The following KCNU1 variants were observed in gnomAD, a reference collection of about 807,000 sequenced individuals.
The protein encoded by KCNU1 is potassium calcium-activated channel subfamily U member 1.
KCNU1 carries 93 observed loss-of-function variants against 126.8 expected under a neutral mutation model. The observed-to-expected ratio is 0.73, with a 90% CI of 0.62 to 0.87. KCNU1 has a LOEUF of 0.87. Ranked by LOEUF, KCNU1 falls within the 40% of genes least tolerant of loss-of-function variation. The probability of loss-of-function intolerance (pLI) is 0.00; values close to 1 mark genes in which losing one functional copy is unlikely to be tolerated. For synonymous variants in KCNU1, 523 were observed against 494.2 expected (o/e 1.06, Z -0.77); for missense variants, 1,330 against 1,367.1 (o/e 0.97, Z 0.43).
intron 23 of KCNU1, among the ~76,000 whole-genome samples, chr8:36,921,526 A>G (rs1312871117): frequency 6.6e-6 from 1 of 152,036 alleles, no homozygotes; most frequent in East Asian, 1.9e-4. Context: ...TAAAAATACA[A>G]AAATTAGCCG....
chr8:36,861,876 G>A (rs1288964416), intron 18 of KCNU1, among the ~76,000 whole-genome samples: 1 of 152,172 alleles, frequency 6.6e-6, no homozygotes, highest in Non-Finnish European at 1.5e-5. Flanking sequence ...TTTGCTTGTT[G>A]CTTTCAAGGG....
chr8:36,884,919 A>G (rs1173228616), intron 19 of KCNU1, among the ~76,000 whole-genome samples: 1 of 152,208 alleles, frequency 6.6e-6, no homozygotes, highest in Non-Finnish European at 1.5e-5. Flanking sequence ...TGTCCTTACA[A>G]TAACAAAAAA....
chr8:36,909,433 T>C lies in KCNU1; in HGVS notation c.2229T>C (p.Tyr743=), dbSNP rs1807775291. Reference sequence around the variant, plus strand: ...TAATGCCCTTGAGAGCCAGCAACTATACCAGGAAGGAGCTGAAGGACATAG... The same window carrying C: ...TAATGCCCTTGAGAGCCAGCAACTACACCAGGAAGGAGCTGAAGGACATAG... ...NFVMPLRASN[Y]TRKELKDIVF... is the part of the protein sequence containing the mutation. Residue 743 remains tyrosine (Y), a synonymous_variant, in exon 21 of 27, where the codon TAT becomes TAC. Transcript: ENST00000399881. 3 of 1,613,008 alleles carry C rather than the reference T, an allele frequency of 1.9e-6. No individual in the cohort carries two copies. The highest frequency in any genetic ancestry group is 2.7e-5 in the African/African-American group (2 of 74,902).
Position 36,932,952 on chromosome 8 carries a change from C to A in KCNU1, c.2964C>A (p.Gly988=). The change falls in exon 26 of 27, where the codon GGC becomes GGA. Residue 988 remains glycine, a synonymous_variant. Coordinates refer to ENST00000399881, the MANE Select transcript of KCNU1 (RefSeq NM_001031836.3). ...PRNTFGQLFC[G]SLDLFGILCV... ...ACACCTTTGGACAACTGTTCTGTGG[C>A]TCATTAGATCTTTTTGGAATCCTGT... 4 of 1,575,472 alleles carry A rather than the reference C, an allele frequency of 2.5e-6. No individual in the cohort carries two copies. The highest frequency in any genetic ancestry group is 3.5e-6 in the Non-Finnish European group (4 of 1,158,592).
intron 19 of KCNU1, among the ~76,000 whole-genome samples, chr8:36,885,637 A>C (rs977387401): frequency 6.6e-6 from 1 of 152,076 alleles, no homozygotes; most frequent in African/African-American, 2.4e-5. Flanking sequence ...TACTAAAAAT[A>C]CAAAAATTAA....
chr8:36,926,020 A>G (rs1285735643), intron 24 of KCNU1, among the ~76,000 whole-genome samples: 2 of 152,104 alleles, frequency 1.3e-5, no homozygotes, highest in African/African-American at 4.8e-5. Context: ...TCTCTAGGCA[A>G]TTTATTTAGA....
intron 26 of KCNU1, among the ~76,000 whole-genome samples, chr8:36,935,210 A>G (rs1481800377): frequency 2.6e-5 from 4 of 152,082 alleles, no homozygotes; most frequent in Admixed American, 2.6e-4. Context: ...CCACTGGAAC[A>G]AAAGATGAGC....
At chr8:36,790,845 A>G (rs1435158786) in intron 2 of KCNU1, among the ~76,000 whole-genome samples, 1 of 152,098 alleles carries the variant, frequency 6.6e-6, no homozygotes, top group Admixed American at 6.6e-5. Context: ...TTTCCAATGA[A>G]GACACAGTAC....
intron 19 of KCNU1, among the ~76,000 whole-genome samples, chr8:36,874,732 G>A (rs959667405): frequency 4.6e-5 from 7 of 152,154 alleles, no homozygotes; most frequent in South Asian, 2.1e-4. Flanking sequence ...ATTGGCTTTC[G>A]TACAATTATT....
chr8:36,817,218 G>A (rs1482708094), intron 9 of KCNU1, among the ~76,000 whole-genome samples: 1 of 151,392 alleles, frequency 6.6e-6, no homozygotes, highest in African/African-American at 2.4e-5. Context: ...GGGTGATGCA[G>A]GCCAGGCACA....
At chr8:36,804,302 T>C (rs1803419799) in intron 3 of KCNU1, among the ~76,000 whole-genome samples, 1 of 152,130 alleles carries the variant, frequency 6.6e-6, no homozygotes, top group African/African-American at 2.4e-5. Flanking sequence ...CCTGCCACTT[T>C]CCACTGCTAG....
At chr8:36,836,201 C>T (rs1425957527) in intron 12 of KCNU1, 95 bp from the exon 13 acceptor site, 2 of 786,152 alleles carry the variant, frequency 2.5e-6, no homozygotes, top group South Asian at 1.7e-5. Context: ...TTTTTCTACA[C>T]TTACCTACAT....
chr8:36,797,683 G>A (rs1803152048), intron 2 of KCNU1, among the ~76,000 whole-genome samples: 2 of 151,326 alleles, frequency 1.3e-5, no homozygotes, highest in Admixed American at 6.6e-5. Context: ...ATGGGGAAGT[G>A]TGGGTAGTAT....
At chr8:36,926,129 G>C (rs559734275) in intron 24 of KCNU1, among the ~76,000 whole-genome samples, 4 of 152,160 alleles carry the variant, frequency 2.6e-5, no homozygotes, top group African/African-American at 9.7e-5. Flanking sequence ...AATTCACTAA[G>C]TGCATTACCT....
rs1029364482 is a variant in KCNU1, at chr8:36,804,051, A to G, written c.340A>G (p.Ile114Val). ...GGTGATCCTTGTCTTTGTACTAAGCATTGGGTCTCTTATAATCTATTTCAT... is the reference window on the plus strand; with the variant it reads ...GGTGATCCTTGTCTTTGTACTAAGCGTTGGGTCTCTTATAATCTATTTCAT... ...VLVILVFVLSIGSLIIYFINS... is the reference protein window; with the variant it reads ...VLVILVFVLSVGSLIIYFINS... The change falls in exon 3 of 27, where the codon ATT becomes GTT. Residue 114 changes from isoleucine to valine, a missense_variant. Ile to Val is a conservative substitution (Grantham distance 29, BLOSUM62 3). Around this residue, in one of 3 missense-constraint regions of KCNU1, gnomAD observed 247 missense variants for 255.4 expected, o/e 0.97. Transcript: ENST00000399881. The G allele has an allele frequency of 1.4e-5, 22 of 1,559,926 alleles. No individual in the cohort carries two copies. Among genetic ancestry groups the G allele is most frequent in the Non-Finnish European group, 1.8e-5 (21 of 1,149,346 alleles).
intron 18 of KCNU1, among the ~76,000 whole-genome samples, 175 bp downstream of exon 18, chr8:36,846,074 G>A (rs1166444342): frequency 1.3e-5 from 2 of 152,238 alleles, no homozygotes; most frequent in Non-Finnish European, 2.9e-5. Flanking sequence ...AGAGCTGGAA[G>A]AAACCTAACT....
intron 1 of KCNU1, among the ~76,000 whole-genome samples, chr8:36,785,485 A>G (rs1039911259): frequency 6.6e-6 from 1 of 152,236 alleles, no homozygotes; most frequent in African/African-American, 2.4e-5. Flanking sequence ...ATAAAATATA[A>G]TTCATAAATT....
At chr8:36,796,559 G>T (rs2130368175) in intron 2 of KCNU1, among the ~76,000 whole-genome samples, 1 of 152,204 alleles carries the variant, frequency 6.6e-6, no homozygotes, top group South Asian at 2.1e-4. Flanking sequence ...GTCACCTATT[G>T]TATCTTCTTG....
chr8:36,814,083 G>T, intron 7 of KCNU1, 124 bp from the exon 8 acceptor site: 1 of 694,812 alleles, frequency 1.4e-6, no homozygotes. Flanking sequence ...ATAGCAACCT[G>T]AAAGCCATTT....
Sources: allele counts gnomAD v4.1 joint callset (sites outside exome capture counted in the v4.1 genomes callset), GRCh38; gene constraint gnomAD v4.1.1; regional missense constraint gnomAD v4.1.1; transcripts MANE v1.5; gene names NCBI Gene and HGNC (gene_info 2026-07-23, HGNC 2026-07-21).